Variants in SEC31A observed in about 807,000 individuals in gnomAD.
SEC31A encodes the protein protein transport protein Sec31A.
In SEC31A, 70 loss-of-function variants were observed where a neutral mutation model predicts 151.0. The observed-to-expected ratio is 0.46, with a 90% CI of 0.38 to 0.57. The LOEUF (loss-of-function observed/expected upper bound fraction) is 0.57. SEC31A is among the 20% of genes least tolerant of loss of function. The probability of loss-of-function intolerance (pLI) is 0.00; values close to 1 mark genes in which losing one functional copy is unlikely to be tolerated. For synonymous variants in SEC31A, 475 were observed against 505.9 expected (o/e 0.94, Z 0.82); for missense variants, 1,330 against 1,471.2 (o/e 0.90, Z 1.57).
chr4:82,822,829 C>T (rs879351837), intron 25 of SEC31A, among the ~76,000 whole-genome samples: 2 of 152,158 alleles, frequency 1.3e-5, no homozygotes, highest in Non-Finnish European at 2.9e-5. Context: ...CAAAATTAGC[C>T]GGGCGTGGTG....
At chr4:82,884,643 C>T (rs1436908972) in intron 1 of SEC31A, among the ~76,000 whole-genome samples, 1 of 152,190 alleles carries the variant, frequency 6.6e-6, no homozygotes, top group Non-Finnish European at 1.5e-5. Flanking sequence ...TGTATAACAA[C>T]ATGTATCTGT....
rs867530547 is a variant in SEC31A, at chr4:82,890,965, G to C, written c.-5+123C>G. ...CAAGACTAGGGGCGCGCCGTCACCA[G>C]AGACCGGGCCTCAGGCTGGTGCGGG... is the stretch of plus-strand genomic sequence containing the variant. On this transcript the variant is annotated intron_variant, in intron 1 of 26. Transcript: ENST00000395310. 372 of 1,460,652 alleles carry C rather than the reference G, an allele frequency of 2.5e-4. 2 individuals are homozygous for C. The highest frequency in any genetic ancestry group is 1.0e-3 in the Admixed American group (45 of 42,880). 90.5% of individuals were successfully genotyped at this position (1,460,652 alleles called of 1,614,324 possible).
chr4:82,858,361 T>C (rs901747748), intron 14 of SEC31A, among the ~76,000 whole-genome samples: 3 of 151,642 alleles, frequency 2.0e-5, no homozygotes, highest in African/African-American at 4.8e-5. Context: ...CTGGCCAACA[T>C]GGTGAAACCC....
Position 82,819,068 on chromosome 4 carries a change from G to A in SEC31A, c.*6C>T. On this transcript the variant is annotated 3_prime_UTR_variant, in exon 27 of 27. Transcript: ENST00000395310. ...GGCAATATTGAGTGGAAGAGAAGCTGTCCTTTTAGACACCCAGCTTATTGG... is the reference window on the plus strand; with the variant it reads ...GGCAATATTGAGTGGAAGAGAAGCTATCCTTTTAGACACCCAGCTTATTGG... 5 of 1,584,790 alleles carry A rather than the reference G, an allele frequency of 3.2e-6. No individual in the cohort carries two copies. The highest frequency in any genetic ancestry group is 1.2e-5 in the South Asian group (1 of 84,054).
intron 26 of SEC31A, 102 bp from the exon 27 acceptor site, chr4:82,819,355 C>A: frequency 1.2e-6 from 1 of 864,342 alleles, no homozygotes; most frequent in Non-Finnish European, 1.6e-6. Flanking sequence ...GAATTTGAAA[C>A]AAACATTATA....
At chr4:82,881,150 T>C (rs751703869) in intron 2 of SEC31A, among the ~76,000 whole-genome samples, 1 of 152,168 alleles carries the variant, frequency 6.6e-6, no homozygotes, top group Non-Finnish European at 1.5e-5. Context: ...CTGTATATAT[T>C]TAAAAATCTC....
intron 1 of SEC31A, among the ~76,000 whole-genome samples, chr4:82,887,945 C>T (rs986307854): frequency 6.6e-6 from 1 of 151,844 alleles, no homozygotes; most frequent in African/African-American, 2.4e-5. Flanking sequence ...ACTCGGGAGG[C>T]TGAGGCAGGA....
chr4:82,876,202 C>G (rs1226918256), intron 4 of SEC31A, among the ~76,000 whole-genome samples: 1 of 150,844 alleles, frequency 6.6e-6, no homozygotes, highest in African/African-American at 2.4e-5. Flanking sequence ...CTTCCGCCTC[C>G]CGGGTCCAAG....
chr4:82,875,702 A>G (rs926356919), intron 5 of SEC31A, 25 bp downstream of exon 5: 2 of 1,416,816 alleles, frequency 1.4e-6, no homozygotes, highest in Non-Finnish European at 2.0e-6. Context: ...TTTGATTACA[A>G]TGATCAAAAT....
intron 8 of SEC31A, among the ~76,000 whole-genome samples, chr4:82,868,499 A>C (rs3775980): frequency 0.2 from 28,337 of 144,280 alleles, 2,870 homozygotes; most frequent in South Asian, 0.35. Context: ...AGACCCTGAC[A>C]AAAAAATAAT....
At chr4:82,866,687 C>CA in intron 10 of SEC31A, 121 bp downstream of exon 10, 1 of 860,532 alleles carries the variant, frequency 1.2e-6, no homozygotes, top group East Asian at 2.8e-5. Flanking sequence ...ATGAAATACC[C>CA]ACAAGTACAT....
At chr4:82,843,434 T>C (rs1448866849) in intron 21 of SEC31A, among the ~76,000 whole-genome samples, 1 of 152,200 alleles carries the variant, frequency 6.6e-6, no homozygotes, top group African/African-American at 2.4e-5. Context: ...CCACCATGCG[T>C]GGCTTAGGGA....
chr4:82,871,359 A>G (rs1351546504), intron 7 of SEC31A: 1 of 1,520,930 alleles, frequency 6.6e-7, no homozygotes, highest in Admixed American at 2.0e-5. Context: ...GTACAGTAAA[A>G]TGTTTTACCT....
At chr4:82,838,831 G>T (rs142358448) in intron 22 of SEC31A, among the ~76,000 whole-genome samples, 21 of 152,282 alleles carry the variant, frequency 1.4e-4, no homozygotes, top group African/African-American at 5.1e-4. Flanking sequence ...TAGTTTCTCT[G>T]AGCCCTGAGC....
At position 82,857,774 on chromosome 4, in the gene SEC31A, T is replaced by TG. The variant is rs771523848; in HGVS notation, c.1627-11dup. The TG allele has an allele frequency of 2.6e-6, 4 of 1,538,788 alleles. No individual in the cohort carries two copies. The highest frequency in any genetic ancestry group is 3.6e-6 in the Non-Finnish European group (4 of 1,118,530). On this transcript the variant is annotated splice_polypyrimidine_tract_variant and intron_variant, in intron 14 of 26. Coordinates refer to ENST00000395310, the MANE Select transcript of SEC31A (RefSeq NM_001077207.4). ...TTTCCTCTTTAATGTGCTAAAGAGA[T>TG]GAAAAAAGCAACAATTTAGCCAGAA...
In SEC31A at chr4:82,844,538, G is replaced by A. The variant is rs11737142; in HGVS notation, c.2503-29C>T. ...AGAAACAAGAACATGGTAAGAAGGC[G>A]GATACAAGTAGAACCAGGAACTTCA... On this transcript the variant is annotated intron_variant, in intron 20 of 26. Transcript: ENST00000395310. The A allele has an allele frequency of 1.2e-4, 195 of 1,605,564 alleles. 1 individual carries two copies. The highest frequency in any genetic ancestry group is 1.3e-4 in the Non-Finnish European group (147 of 1,173,598).
rs1289091945 is a variant in SEC31A at position 82,861,726 on chromosome 4, A to G, written c.1549-18T>C. ...TTAAGAGCCTTTGGTACACAAAACA[A>G]TTACAGGGGAAGGTGAAGAATGTAG... On this transcript the variant is annotated intron_variant, in intron 13 of 26. Transcript: ENST00000395310. 3 of 1,556,976 alleles carry G rather than the reference A, an allele frequency of 1.9e-6. No homozygotes were observed. Among genetic ancestry groups the G allele is most frequent in the Admixed American group, 1.7e-5 (1 of 58,658 alleles).
At chr4:82,870,035 T>C (rs1736299933) in intron 8 of SEC31A, among the ~76,000 whole-genome samples, 1 of 152,168 alleles carries the variant, frequency 6.6e-6, no homozygotes, top group Non-Finnish European at 1.5e-5. Flanking sequence ...AAACCACATG[T>C]GAAATAAATC....
At chr4:82,852,181 C>T (rs1017362191) in intron 18 of SEC31A, among the ~76,000 whole-genome samples, 1 of 152,186 alleles carries the variant, frequency 6.6e-6, no homozygotes, top group Non-Finnish European at 1.5e-5. Context: ...CGTGCCTTTG[C>T]TCCTCCTTCA....
Sources: gnomAD v4.1 joint callset for allele counts (sites outside exome capture counted in the v4.1 genomes callset) on GRCh38, gnomAD v4.1.1 for gene constraint, MANE v1.5 for transcripts, NCBI Gene and HGNC (gene_info 2026-07-23, HGNC 2026-07-21) for gene names.